UBE2E2: variants seen among roughly 807,000 people sequenced by gnomAD.
The protein encoded by UBE2E2 is ubiquitin conjugating enzyme E2 E2, also known as ubiquitin-conjugating enzyme E2 E2.
UBE2E2 carries 6 observed loss-of-function variants against 24.7 expected under a neutral mutation model. The observed-to-expected ratio is 0.24, with a 90% confidence interval of 0.13 to 0.48. The LOEUF is 0.48. Among genes scored for constraint, UBE2E2 ranks in the 20% least tolerant of loss-of-function variants. UBE2E2 has a pLI of 0.99. For missense variants in UBE2E2, 169 were observed against 245.0 expected, an observed-to-expected ratio of 0.69 and a Z score of 2.07; for synonymous variants, 104 against 83.6, an observed-to-expected ratio of 1.24 and a Z score of -1.33.
intron 3 of UBE2E2, among the ~76,000 whole-genome samples, chr3:23,276,780 T>C (rs1256157966): frequency 1.3e-5 from 2 of 152,172 alleles, no homozygotes; most frequent in Non-Finnish European, 2.9e-5. Flanking sequence ...TGAGCATTTG[T>C]ACTTTTTGTG....
intron 5 of UBE2E2, among the ~76,000 whole-genome samples, chr3:23,536,661 T>C (rs952241513): frequency 6.6e-6 from 1 of 152,246 alleles, no homozygotes; most frequent in African/African-American, 2.4e-5. Context: ...ACATCTGTAC[T>C]GGACTATTTG....
At chr3:23,467,511 A>G (rs1412569371) in intron 3 of UBE2E2, among the ~76,000 whole-genome samples, 1 of 152,224 alleles carries the variant, frequency 6.6e-6, no homozygotes, top group Non-Finnish European at 1.5e-5. Context: ...CAAACTGAAC[A>G]TGGGCCTAAC....
intron 3 of UBE2E2, among the ~76,000 whole-genome samples, chr3:23,291,983 C>T (rs1053551971): frequency 1.3e-5 from 2 of 151,486 alleles, no homozygotes; most frequent in Non-Finnish European, 2.9e-5. Flanking sequence ...CTCAGCCTCC[C>T]GAGTAGCTGG....
chr3:23,524,857 G>GACACAC (rs772415833), intron 4 of UBE2E2, among the ~76,000 whole-genome samples: 19 of 128,684 alleles, frequency 1.5e-4, no homozygotes, highest in Non-Finnish European at 2.8e-4. Context: ...GATACACACA[G>GACACAC]ACACACAGAC....
intron 3 of UBE2E2, among the ~76,000 whole-genome samples, chr3:23,458,380 CAG>C (rs1400786853): frequency 1.3e-5 from 1 of 75,006 alleles, no homozygotes; most frequent in Non-Finnish European, 2.4e-5. Flanking sequence ...AATCACTGAT[CAG>C]AGAGATCGCT....
intron 5 of UBE2E2, among the ~76,000 whole-genome samples, chr3:23,584,751 T>TG (rs1696578520): frequency 1.5e-5 from 2 of 131,080 alleles, no homozygotes; most frequent in Admixed American, 7.4e-5. Flanking sequence ...TTTTTTTTTT[T>TG]GTAGAGATGG....
intron 3 of UBE2E2, among the ~76,000 whole-genome samples, chr3:23,283,443 G>A (rs1698531451): frequency 6.6e-6 from 1 of 152,096 alleles, no homozygotes; most frequent in Admixed American, 6.5e-5. Flanking sequence ...ATTTAGGTCG[G>A]TGGTTCTCTG....
At chr3:23,435,965 A>G (rs1026058196) in intron 3 of UBE2E2, among the ~76,000 whole-genome samples, 5 of 152,038 alleles carry the variant, frequency 3.3e-5, no homozygotes, top group African/African-American at 7.3e-5. Context: ...CGTTAGTTAG[A>G]TTCTCATAAG....
intron 5 of UBE2E2, among the ~76,000 whole-genome samples, chr3:23,568,727 ATG>A (rs1289066973): frequency 4.6e-5 from 6 of 131,114 alleles, no homozygotes; most frequent in African/African-American, 1.8e-4. Flanking sequence ...ACACATATAT[ATG>A]TATACATATA....
At chr3:23,519,412 A>G (rs1167195110) in intron 4 of UBE2E2, among the ~76,000 whole-genome samples, 3 of 152,104 alleles carry the variant, frequency 2.0e-5, no homozygotes, top group African/African-American at 7.2e-5. Context: ...TTATTTTTCA[A>G]GTATGCTTCC....
intron 3 of UBE2E2, among the ~76,000 whole-genome samples, chr3:23,491,034 G>A (rs1270834045): frequency 6.6e-6 from 1 of 152,178 alleles, no homozygotes; most frequent in East Asian, 1.9e-4. Context: ...CTAGGAAGAA[G>A]CCTTATGGGG....
intron 3 of UBE2E2, among the ~76,000 whole-genome samples, chr3:23,429,309 A>C (rs1698000870): frequency 6.6e-6 from 1 of 152,206 alleles, no homozygotes; most frequent in Non-Finnish European, 1.5e-5. Flanking sequence ...TCCTAATACC[A>C]AAACCAGACA....
intron 3 of UBE2E2, among the ~76,000 whole-genome samples, chr3:23,303,817 A>T (rs562171640): frequency 6.6e-6 from 1 of 152,194 alleles, no homozygotes; most frequent in Non-Finnish European, 1.5e-5. Flanking sequence ...TTGAAGTATA[A>T]TAATTAACTT....
intron 3 of UBE2E2, among the ~76,000 whole-genome samples, chr3:23,230,764 C>T (rs1307628030): frequency 1.4e-5 from 2 of 144,534 alleles, no homozygotes; most frequent in Non-Finnish European, 3.0e-5. Context: ...CTAGCCTGGG[C>T]AGCAAGAGCG....
intron 3 of UBE2E2, among the ~76,000 whole-genome samples, chr3:23,248,835 C>T (rs138010806): frequency 5.0e-4 from 76 of 152,242 alleles, no homozygotes; most frequent in Non-Finnish European, 8.5e-4. Flanking sequence ...GTTATTCAGC[C>T]GAATGAACAG....
At chr3:23,287,971 G>A (rs1698664208) in intron 3 of UBE2E2, among the ~76,000 whole-genome samples, 1 of 151,540 alleles carries the variant, frequency 6.6e-6, no homozygotes, top group South Asian at 2.1e-4. Context: ...TACTGACTTT[G>A]GGTTTGGTTT....
At chr3:23,546,556 C>A (rs1175443635) in intron 5 of UBE2E2, among the ~76,000 whole-genome samples, 1 of 149,094 alleles carries the variant, frequency 6.7e-6, no homozygotes, top group Non-Finnish European at 1.5e-5. Flanking sequence ...TCACCACAAC[C>A]CCCACCTCCC....
intron 3 of UBE2E2, among the ~76,000 whole-genome samples, chr3:23,218,868 A>G (rs1696552053): frequency 6.6e-6 from 1 of 152,158 alleles, no homozygotes; most frequent in Non-Finnish European, 1.5e-5. Flanking sequence ...AGTAAAAGAA[A>G]CGTTTAACTA....
At chr3:23,457,604 A>G (rs1345905593) in intron 3 of UBE2E2, among the ~76,000 whole-genome samples, 1 of 152,074 alleles carries the variant, frequency 6.6e-6, no homozygotes, top group Admixed American at 6.6e-5. Flanking sequence ...AGCTCACTGC[A>G]GCCTCAACCT....
Sources: allele counts gnomAD v4.1 joint callset (sites outside exome capture counted in the v4.1 genomes callset), GRCh38; gene constraint gnomAD v4.1.1; transcripts MANE v1.5; gene names NCBI Gene and HGNC (gene_info 2026-07-23, HGNC 2026-07-21).